Variants in PRKCE observed in about 807,000 individuals in gnomAD.
PRKCE encodes protein kinase C epsilon.
PRKCE carries 16 observed loss-of-function variants against 85.4 expected under a neutral mutation model. The ratio of observed to expected loss-of-function variants is 0.19; its 90% CI spans 0.13 to 0.28. PRKCE has a LOEUF of 0.28. PRKCE is among the 10% of genes least tolerant of loss of function. The probability of loss-of-function intolerance (pLI) is 1.00; values close to 1 mark genes in which losing one functional copy is unlikely to be tolerated. For synonymous variants in PRKCE, 388 were observed against 371.5 expected (o/e 1.04, Z -0.51); for missense variants, 573 against 975.2 (o/e 0.59, Z 5.49).
chr2:45,962,376 G>C (rs1030956370), intron 2 of PRKCE, among the ~76,000 whole-genome samples: 1 of 152,158 alleles, frequency 6.6e-6, no homozygotes, highest in Non-Finnish European at 1.5e-5. Context: ...GAATTTGGTC[G>C]CTACTTTTAC....
chr2:45,922,706 G>C (rs1011700904), intron 2 of PRKCE, among the ~76,000 whole-genome samples: 3 of 152,176 alleles, frequency 2.0e-5, no homozygotes, highest in African/African-American at 4.8e-5. Context: ...TAATAGAGAC[G>C]TGTGAGCTGA....
intron 6 of PRKCE, among the ~76,000 whole-genome samples, chr2:45,987,655 C>T (rs1703447251): frequency 1.3e-5 from 2 of 152,204 alleles, no homozygotes; most frequent in South Asian, 4.1e-4. Context: ...ACCTGCACAG[C>T]ACATCATTAT....
In PRKCE at chr2:45,935,400, G is replaced by C. The variant is rs74442545; in HGVS notation, c.413-41029G>C. Among the ~76,000 whole-genome samples, 1,148 of 152,262 alleles carry C rather than the reference G, an allele frequency of 7.5e-3. 19 individuals carry two copies. The highest frequency in any genetic ancestry group is 0.064 in the South Asian group (306 of 4,818). ...TCAAGCTAAGAACTTTTGAAGTACT[G>C]TTTTAGCTAAAAAATATTAATACTT... On this transcript the variant is annotated intron_variant, in intron 2 of 14. Coordinates refer to ENST00000306156, the MANE Select transcript of PRKCE (RefSeq NM_005400.3).
chr2:45,875,259 C>A (rs1166258158), intron 2 of PRKCE, among the ~76,000 whole-genome samples: 2 of 152,172 alleles, frequency 1.3e-5, no homozygotes, highest in African/African-American at 4.8e-5. Flanking sequence ...CACTTGAACC[C>A]AAGGTTCAAC....
intron 1 of PRKCE, among the ~76,000 whole-genome samples, chr2:45,695,703 G>T (rs996100235): frequency 1.3e-5 from 2 of 152,172 alleles, no homozygotes; most frequent in Non-Finnish European, 2.9e-5. Context: ...ACCCGGAGGC[G>T]GAGGTTGCAG....
chr2:46,071,481 T>A (rs1386449451), intron 10 of PRKCE, among the ~76,000 whole-genome samples: 1 of 152,212 alleles, frequency 6.6e-6, no homozygotes, highest in East Asian at 1.9e-4. Context: ...CATTTCCTTT[T>A]GTCCAAGTTC....
intron 1 of PRKCE, among the ~76,000 whole-genome samples, chr2:45,677,422 T>TCTCAG (rs371196651): frequency 0.015 from 2,154 of 146,766 alleles, 47 homozygotes; most frequent in African/African-American, 0.051. Context: ...AGTGGCGCAA[T>TCTCAG]CTCAGCTCAC....
chr2:45,860,333 T>G (rs1485216184), intron 2 of PRKCE, among the ~76,000 whole-genome samples: 1 of 152,254 alleles, frequency 6.6e-6, no homozygotes, highest in Non-Finnish European at 1.5e-5. Context: ...CATAGTGTAC[T>G]GATCCATGTA....
At chr2:45,912,531 C>T (rs1697458568) in intron 2 of PRKCE, among the ~76,000 whole-genome samples, 1 of 152,098 alleles carries the variant, frequency 6.6e-6, no homozygotes, top group Non-Finnish European at 1.5e-5. Flanking sequence ...GGCTGAGGCT[C>T]ACAGCTGGAG....
chr2:45,743,706 C>T (rs1206040092), intron 1 of PRKCE, among the ~76,000 whole-genome samples: 1 of 152,222 alleles, frequency 6.6e-6, no homozygotes, highest in Non-Finnish European at 1.5e-5. Context: ...CTGCTTCTTT[C>T]AAAACCTTGC....
intron 1 of PRKCE, among the ~76,000 whole-genome samples, chr2:45,737,472 C>A (rs924569489): frequency 6.6e-6 from 1 of 152,216 alleles, no homozygotes; most frequent in South Asian, 2.1e-4. Flanking sequence ...TCCCCATTCA[C>A]GAAGCGGGAG....
chr2:45,962,621 G>A (rs1182971855), intron 2 of PRKCE, among the ~76,000 whole-genome samples: 1 of 152,196 alleles, frequency 6.6e-6, no homozygotes, highest in Non-Finnish European at 1.5e-5. Context: ...CTCACACAGT[G>A]ACTATTCTTT....
At chr2:45,852,049 T>C (rs1183956261) in intron 2 of PRKCE, 1 of 152,452 alleles carries the variant, frequency 6.6e-6, no homozygotes, top group African/African-American at 2.4e-5. Context: ...AATCCCACTG[T>C]GGCGTTTCTG....
intron 1 of PRKCE, among the ~76,000 whole-genome samples, chr2:45,694,050 T>C (rs998389585): frequency 6.6e-6 from 1 of 151,786 alleles, no homozygotes; most frequent in Admixed American, 6.6e-5. Context: ...TTTTGACCCG[T>C]GGACACAGAT....
In PRKCE at chr2:45,907,288, G is replaced by A. The variant is rs1388680694; in HGVS notation, c.412+64225G>A. Reference sequence around the variant, plus strand: ...AGTTGGCAAAGGAAAAAATAAATCAGCCCCCTATTGAGTGACTTTCAGGAA... The same window carrying A: ...AGTTGGCAAAGGAAAAAATAAATCAACCCCCTATTGAGTGACTTTCAGGAA... On this transcript the variant is annotated intron_variant, in intron 2 of 14. Coordinates refer to ENST00000306156, the MANE Select transcript of PRKCE (RefSeq NM_005400.3). The surrounding 1 kb of genome is among the most constrained non-coding windows in gnomAD (Gnocchi z 4.5). Among the ~76,000 whole-genome samples, 1 of 152,190 alleles carries A rather than the reference G, an allele frequency of 6.6e-6. No homozygotes were observed. The highest frequency in any genetic ancestry group is 1.5e-5 in the Non-Finnish European group (1 of 68,032).
At chr2:46,021,101 G>A (rs1706618646) in intron 10 of PRKCE, among the ~76,000 whole-genome samples, 1 of 152,144 alleles carries the variant, frequency 6.6e-6, no homozygotes, top group Non-Finnish European at 1.5e-5. Context: ...GGGGCATTGG[G>A]GGGCAGGGCA....
chr2:45,660,342 A>G (rs187133476), intron 1 of PRKCE, among the ~76,000 whole-genome samples: 2 of 152,328 alleles, frequency 1.3e-5, no homozygotes, highest in Admixed American at 6.5e-5. Context: ...AGAGAATGCT[A>G]TATTATTTCC....
chr2:46,109,263 A>G (rs1270863874), intron 11 of PRKCE, among the ~76,000 whole-genome samples: 1 of 152,100 alleles, frequency 6.6e-6, no homozygotes, highest in Non-Finnish European at 1.5e-5. Context: ...ATTGTATTGA[A>G]TCTATAGATT....
At chr2:45,999,386 A>G (rs1190815223) in intron 6 of PRKCE, among the ~76,000 whole-genome samples, 2 of 152,128 alleles carry the variant, frequency 1.3e-5, no homozygotes, top group African/African-American at 4.8e-5. Flanking sequence ...TTTTATCTCA[A>G]CATTTTGAAT....
Sources: gnomAD v4.1 joint callset for allele counts (sites outside exome capture counted in the v4.1 genomes callset) on GRCh38, gnomAD v4.1.1 for gene constraint, Gnocchi (gnomAD v3.1) non-coding constraint, MANE v1.5 for transcripts, NCBI Gene and HGNC (gene_info 2026-07-23, HGNC 2026-07-21) for gene names.